The following ANAPC13 variants were observed in gnomAD, a reference collection of about 807,000 sequenced individuals.
ANAPC13 encodes the protein anaphase promoting complex subunit 13.
A neutral mutation model predicts 9.6 loss-of-function variants in ANAPC13; 9 were observed. That is an observed-to-expected ratio of 0.94 (90% confidence interval 0.57 to 1.64). The LOEUF is 1.64. ANAPC13 is among the 40% of genes most tolerant of loss of function. The pLI is 0.00. For synonymous variants in ANAPC13, 30 were observed against 29.7 expected, an observed-to-expected ratio of 1.01 and a Z score of -0.03; for missense variants, 75 against 85.3, an observed-to-expected ratio of 0.88 and a Z score of 0.48.
chr3:134,482,609 C>T, intron 2 of ANAPC13, 197 bp downstream of exon 2: 1 of 591,552 alleles, frequency 1.7e-6, no homozygotes, highest in South Asian at 2.1e-5. Context: ...ACTGACCTGG[C>T]CATGTTAGCT....
At chr3:134,478,770 A>G in intron 2 of ANAPC13, 55 bp from the exon 3 acceptor site, 1 of 1,581,110 alleles carries the variant, frequency 6.3e-7, no homozygotes, top group Non-Finnish European at 8.6e-7. Flanking sequence ...TCTTCTTGGA[A>G]CTCAAGAACA....
chr3:134,478,639 T>C lies in ANAPC13; in HGVS notation c.176A>G (p.Asp59Gly), dbSNP rs369845547. 4 of 1,614,046 alleles carry C rather than the reference T, an allele frequency of 2.5e-6. No homozygotes were observed. The highest frequency in any genetic ancestry group is 3.4e-6 in the Non-Finnish European group (4 of 1,180,002). The stretch of plus-strand genomic sequence containing the variant: ...CTCATGGAGGTACTGTAAGGCTAAG[T>C]CTGTCCACTTCATTTCTTGTTCTTT... ...SVKEQEMKWT[D>G]LALQYLHENV... Residue 59 changes from aspartate to glycine, a missense_variant, in exon 3 of 3, where the codon GAC becomes GGC. Transcript: ENST00000354910.
At chr3:134,483,744 C>A (rs927546647) in intron 1 of ANAPC13, among the ~76,000 whole-genome samples, 1 of 152,194 alleles carries the variant, frequency 6.6e-6, no homozygotes, top group Non-Finnish European at 1.5e-5. Context: ...CTCCCTGCTA[C>A]CAAGTGACAA....
intron 2 of ANAPC13, among the ~76,000 whole-genome samples, chr3:134,482,468 C>A (rs937416328): frequency 3.3e-5 from 5 of 152,314 alleles, no homozygotes; most frequent in African/African-American, 1.2e-4. Flanking sequence ...AGAAACAGAG[C>A]TCATATGCTG....
At chr3:134,484,109 C>T (rs1934835420) in intron 1 of ANAPC13, among the ~76,000 whole-genome samples, 1 of 152,214 alleles carries the variant, frequency 6.6e-6, no homozygotes, top group South Asian at 2.1e-4. Flanking sequence ...GGGCCGGGCG[C>T]GGTGGCTCGC....
intron 2 of ANAPC13, among the ~76,000 whole-genome samples, chr3:134,482,320 G>T (rs1934752420): frequency 6.6e-6 from 1 of 152,238 alleles, no homozygotes; most frequent in Non-Finnish European, 1.5e-5. Context: ...GAGTATTCCA[G>T]AAGGCCACTG....
Position 134,485,945 on chromosome 3 carries a change from C to G in ANAPC13, c.-28+7G>C. ...AAACCTAGGCCGGGGGCGCTGGAAA[C>G]CCTTACCGGCACCCGGCCACCGCGG... is the stretch of plus-strand genomic sequence containing the variant. On this transcript the variant is annotated splice_region_variant and intron_variant, in intron 1 of 2. Transcript: ENST00000354910. 1.0e-6 allele frequency: 1 copy of G among 980,818 alleles called. No homozygotes were observed. Among genetic ancestry groups the G allele is most frequent in the Non-Finnish European group, 1.2e-6 (1 of 826,056 alleles). The allele number at this position is 980,818 out of a possible 1,614,324, so 60.8% of individuals were successfully genotyped here.
At chr3:134,484,182 C>T (rs1261995199) in intron 1 of ANAPC13, among the ~76,000 whole-genome samples, 2 of 152,212 alleles carry the variant, frequency 1.3e-5, no homozygotes, top group Non-Finnish European at 2.9e-5. Flanking sequence ...AGATCAACAC[C>T]ATCCTGGCTA....
chr3:134,485,556 C>T (rs1935042512), intron 1 of ANAPC13: 1 of 152,388 alleles, frequency 6.6e-6, no homozygotes, highest in East Asian at 1.9e-4. Flanking sequence ...TTTCCAAACA[C>T]GCGGTGCCTG....
At position 134,485,975 on chromosome 3, in the gene ANAPC13, C is replaced by T. The variant is rs1302411255; in HGVS notation, c.-51G>A. 8.4e-6 allele frequency: 8 copies of T among 955,014 alleles called. No individual in the cohort carries two copies. Among genetic ancestry groups the T allele is most frequent in the Non-Finnish European group, 9.8e-6 (8 of 819,652 alleles). 59.2% of individuals were successfully genotyped at this position (955,014 alleles called of 1,614,324 possible). A position where few individuals can be genotyped will look rare whatever the true frequency, so the allele number is the denominator to read the frequency against. On this transcript the variant is annotated 5_prime_UTR_variant, in exon 1 of 3. Coordinates refer to ENST00000354910, the MANE Select transcript of ANAPC13 (RefSeq NM_015391.4). ...ACCGGCACCCGGCCACCGCGGCAGA[C>T]GCTTGCTCCTGCCACGCCCCCCCCC...
rs182197293 is a variant in ANAPC13, at chr3:134,479,278, T to C, written c.100-563A>G. Among the ~76,000 whole-genome samples the C allele has an allele frequency of 5.1e-4, 77 of 152,308 alleles. 1 individual carries two copies. The highest frequency in any genetic ancestry group is 8.8e-4 in the Non-Finnish European group (60 of 68,022). On this transcript the variant is annotated intron_variant, in intron 2 of 2. Coordinates refer to ENST00000354910, the MANE Select transcript of ANAPC13 (RefSeq NM_015391.4). ...GCGGGAGCGTGCTTTAAAAGAATAC[T>C]AGTTTGCTGGCATATTCCTTAGACA...
At chr3:134,485,517 G>A (rs1428248502) in intron 1 of ANAPC13, 1 of 152,268 alleles carries the variant, frequency 6.6e-6, no homozygotes, top group Non-Finnish European at 1.5e-5. Flanking sequence ...ACCAACTGGG[G>A]AGTCTGTCAA....
chr3:134,485,467 C>T (rs1205504470), intron 1 of ANAPC13: 2 of 152,246 alleles, frequency 1.3e-5, no homozygotes, highest in Non-Finnish European at 2.9e-5. Flanking sequence ...GGTACCCACC[C>T]CTCCAGGGGT....
intron 2 of ANAPC13, 111 bp downstream of exon 2, chr3:134,482,695 A>C: frequency 1.1e-6 from 1 of 892,014 alleles, no homozygotes; most frequent in Non-Finnish European, 1.8e-6. Context: ...AGAGAATTCC[A>C]CAGCTTTGAT....
intron 2 of ANAPC13, among the ~76,000 whole-genome samples, chr3:134,480,048 A>G (rs1934702800): frequency 6.6e-6 from 1 of 152,228 alleles, no homozygotes; most frequent in Admixed American, 6.5e-5. Context: ...CTCAATATAT[A>G]TTAAATGATA....
chr3:134,481,657 C>T (rs753200020), intron 2 of ANAPC13, among the ~76,000 whole-genome samples: 22 of 152,192 alleles, frequency 1.4e-4, no homozygotes, highest in Non-Finnish European at 2.2e-4. Context: ...AGTCTTATGG[C>T]ACACAGTAGG....
chr3:134,478,767 G>A, intron 2 of ANAPC13, 52 bp from the exon 3 acceptor site: 1 of 1,598,108 alleles, frequency 6.3e-7, no homozygotes, highest in South Asian at 1.1e-5. Context: ...GCATCTTCTT[G>A]GAACTCAAGA....
chr3:134,479,910 T>C (rs931814743), intron 2 of ANAPC13, among the ~76,000 whole-genome samples: 2 of 152,216 alleles, frequency 1.3e-5, no homozygotes, highest in Non-Finnish European at 2.9e-5. Flanking sequence ...CAGATACCAA[T>C]ATATTTCTTT....
intron 2 of ANAPC13, among the ~76,000 whole-genome samples, chr3:134,482,259 G>A (rs1268115950): frequency 6.6e-6 from 1 of 152,182 alleles, no homozygotes; most frequent in African/African-American, 2.4e-5. Flanking sequence ...CTTATTACAT[G>A]AGGTTTAACA....
Sources: allele counts gnomAD v4.1 joint callset (sites outside exome capture counted in the v4.1 genomes callset), GRCh38; gene constraint gnomAD v4.1.1; transcripts MANE v1.5; gene names NCBI Gene and HGNC (gene_info 2026-07-23, HGNC 2026-07-21).